LRP5: variants seen among roughly 807,000 people sequenced by gnomAD.
LRP5 encodes LDL receptor related protein 5.
LRP5 carries 62 observed loss-of-function variants against 154.1 expected under a neutral mutation model. The observed-to-expected ratio is 0.40, with a 90% confidence interval of 0.33 to 0.50. The LOEUF (loss-of-function observed/expected upper bound fraction) is 0.50, where lower values mean the gene tolerates loss of function less well. Among genes scored for constraint, LRP5 ranks in the 20% least tolerant of loss-of-function variants. LRP5 has a pLI of 0.55. For synonymous variants in LRP5, 966 were observed against 1,011.5 expected (o/e 0.96, Z 0.85); for missense variants, 1,915 against 2,336.7 (o/e 0.82, Z 3.72).
chr11:68,411,817 G>A (rs555609282), intron 11 of LRP5, among the ~76,000 whole-genome samples, 197 bp downstream of exon 11: 191 of 152,348 alleles, frequency 1.3e-3, no homozygotes, highest in African/African-American at 4.4e-3. Flanking sequence ...TGCCTTTGCT[G>A]CAGTTATGTC....
At chr11:68,432,834 C>T (rs1038426499) in intron 17 of LRP5, among the ~76,000 whole-genome samples, 4 of 152,256 alleles carry the variant, frequency 2.6e-5, no homozygotes, top group Non-Finnish European at 5.9e-5. Flanking sequence ...TGGGACTCTG[C>T]TATTCCCTGA....
At chr11:68,319,987 C>T (rs1208075249) in intron 1 of LRP5, among the ~76,000 whole-genome samples, 1 of 152,022 alleles carries the variant, frequency 6.6e-6, no homozygotes. Flanking sequence ...GGGAGACCCC[C>T]CATGTCTACA....
intron 6 of LRP5, 59 bp from the exon 7 acceptor site, chr11:68,389,822 G>C: frequency 6.3e-7 from 1 of 1,591,970 alleles, no homozygotes; most frequent in Non-Finnish European, 8.6e-7. Context: ...TCTTGGCACT[G>C]GGGATGCTGC....
At chr11:68,328,931 G>A (rs1211876069) in intron 1 of LRP5, among the ~76,000 whole-genome samples, 2 of 152,180 alleles carry the variant, frequency 1.3e-5, no homozygotes, top group Admixed American at 6.5e-5. Flanking sequence ...GACCTTCCTC[G>A]GCTGCTCTGT....
At chr11:68,334,759 G>A (rs951980228) in intron 1 of LRP5, among the ~76,000 whole-genome samples, 2 of 152,106 alleles carry the variant, frequency 1.3e-5, no homozygotes, top group Non-Finnish European at 2.9e-5. Flanking sequence ...TGTAATCCCA[G>A]CTACTTGGGA....
chr11:68,316,326 C>T lies in LRP5; in HGVS notation c.91+3521C>T, dbSNP rs541554201. Among the ~76,000 whole-genome samples the T allele has an allele frequency of 5.3e-5, 8 of 152,038 alleles. No individual in the cohort carries two copies. The East Asian group carries it at 1.2e-3, about 22-fold the overall frequency. On this transcript the variant is annotated intron_variant, in intron 1 of 22. Transcript: ENST00000294304. ...TTGCTCTGTTGCCCAGGTTGGAGTG[C>T]GGTGGTGCGATCTTGGCTCACTGCA...
chr11:68,337,839 C>T (rs1374268900), intron 1 of LRP5, among the ~76,000 whole-genome samples: 1 of 152,052 alleles, frequency 6.6e-6, no homozygotes, highest in African/African-American at 2.4e-5. Flanking sequence ...CGGAAACCTG[C>T]CAACTCCACC....
At chr11:68,420,398 G>A (rs1414753186) in intron 13 of LRP5, among the ~76,000 whole-genome samples, 2 of 152,094 alleles carry the variant, frequency 1.3e-5, no homozygotes, top group East Asian at 3.9e-4. Flanking sequence ...CTTCCTTAAA[G>A]CCTGAATAAT....
chr11:68,440,004 T>G, intron 21 of LRP5, 88 bp downstream of exon 21: 20 of 1,260,108 alleles, frequency 1.6e-5, no homozygotes, highest in Non-Finnish European at 1.7e-5. Flanking sequence ...GCTTCCCGGG[T>G]TCCTGGGGGC....
the LRP5 span, among the ~76,000 whole-genome samples, chr11:68,299,518 G>A: frequency 2.0e-5 from 3 of 149,750 alleles, no homozygotes; most frequent in South Asian, 2.1e-4. Flanking sequence ...AGGGTGGAGT[G>A]CTCAGTGTAG....
intron 1 of LRP5, among the ~76,000 whole-genome samples, chr11:68,343,430 G>A (rs1370561378): frequency 1.3e-5 from 2 of 152,054 alleles, no homozygotes; most frequent in South Asian, 4.1e-4. Context: ...CAAAAGGCCT[G>A]TGACCCCAAG....
chr11:68,333,755 G>T (rs1243458284), intron 1 of LRP5, among the ~76,000 whole-genome samples: 1 of 152,186 alleles, frequency 6.6e-6, no homozygotes. Flanking sequence ...AGGCCTGTAT[G>T]CAAAACATAA....
Position 68,430,548 on chromosome 11 carries a change from A to G in LRP5, c.3763+848A>G, listed in dbSNP as rs548680197. On this transcript the variant is annotated intron_variant, in intron 17 of 22. Coordinates refer to ENST00000294304, the MANE Select transcript of LRP5 (RefSeq NM_002335.4). ...CTGTGTACTCTTGAAAAGAATGTGG[A>G]TTCTGCTGTTGTTGGGTGGAGTGTT... is the stretch of plus-strand genomic sequence containing the variant. Among the ~76,000 whole-genome samples the G allele has an allele frequency of 5.9e-5, 9 of 152,244 alleles. No homozygotes were observed. In the South Asian group the frequency reaches 1.7e-3, roughly 28 times the overall value.
At chr11:68,369,928 C>T (rs1474703137) in intron 5 of LRP5, among the ~76,000 whole-genome samples, 1 of 152,170 alleles carries the variant, frequency 6.6e-6, no homozygotes, top group East Asian at 1.9e-4. Context: ...GCCCAGTGTC[C>T]AGCTGCCATG....
chr11:68,439,924 G>A lies in LRP5; in HGVS notation c.4488+8G>A, dbSNP rs1183490560. 2 of 1,538,848 alleles carry A rather than the reference G, an allele frequency of 1.3e-6. No homozygotes were observed. Among genetic ancestry groups the A allele is most frequent in the Non-Finnish European group, 1.8e-6 (2 of 1,142,018 alleles). Reference sequence around the variant, plus strand: ...GCCACGCTGTACCCGCCGGTGAGGGGCGGGGCCGGGGAGGGGCGGGGCGGG... The same window carrying A: ...GCCACGCTGTACCCGCCGGTGAGGGACGGGGCCGGGGAGGGGCGGGGCGGG... On this transcript the variant is annotated splice_region_variant and intron_variant, in intron 21 of 22. Transcript: ENST00000294304.
chr11:68,387,795 C>T (rs371697561), intron 6 of LRP5, among the ~76,000 whole-genome samples: 42 of 152,270 alleles, frequency 2.8e-4, no homozygotes, highest in East Asian at 9.7e-4. Context: ...AGGTCAGTAG[C>T]GGTGCTGCCC....
chr11:68,403,585 T>C lies in LRP5; in HGVS notation c.1687T>C (p.Trp563Arg). The change falls in exon 8 of 23, where the codon TGG becomes CGG. Residue 563 changes from tryptophan to arginine, a missense_variant. By Grantham distance (101) the Trp-to-Arg change is moderately radical. Around this residue, in one of 3 missense-constraint regions of LRP5, gnomAD observed 773 missense variants for 1,100.9 expected, o/e 0.70. Transcript: ENST00000294304. Reference sequence around the variant, plus strand: ...GGGGGACTTCATCTACTGGACTGACTGGCAGCGCCGCAGCATCGAGCGGGT... The same window carrying C: ...GGGGGACTTCATCTACTGGACTGACCGGCAGCGCCGCAGCATCGAGCGGGT... Reference protein sequence around the residue: ...LLGDFIYWTDWQRRSIERVHK... With the variant: ...LLGDFIYWTDRQRRSIERVHK... The C allele has an allele frequency of 6.2e-7, 1 of 1,614,186 alleles. No homozygotes were observed. Among genetic ancestry groups the C allele is most frequent in the Non-Finnish European group, 8.5e-7 (1 of 1,180,046 alleles).
chr11:68,342,215 G>A (rs977846753), intron 1 of LRP5, among the ~76,000 whole-genome samples: 5 of 151,990 alleles, frequency 3.3e-5, no homozygotes, highest in African/African-American at 9.7e-5. Context: ...CTACGGAGCC[G>A]GCCCTTCCCT....
At chr11:68,298,939 G>A in the LRP5 span, among the ~76,000 whole-genome samples, 2 of 152,182 alleles carry the variant, frequency 1.3e-5, no homozygotes, top group Non-Finnish European at 2.9e-5. Flanking sequence ...GGCGGGGTGA[G>A]AGCCGGCCAG....
Sources: allele counts gnomAD v4.1 joint callset (sites outside exome capture counted in the v4.1 genomes callset), GRCh38; gene constraint gnomAD v4.1.1; regional missense constraint gnomAD v4.1.1; transcripts MANE v1.5; gene names NCBI Gene and HGNC (gene_info 2026-07-23, HGNC 2026-07-21).